Variants in C4orf50 observed in about 807,000 individuals in gnomAD.
The protein encoded by C4orf50 is uncharacterized protein C4orf50.
C4orf50 carries 80 observed loss-of-function variants against 77.2 expected under a neutral mutation model. That is an observed-to-expected ratio of 1.04 (90% confidence interval 0.87 to 1.25). The LOEUF (loss-of-function observed/expected upper bound fraction) is 1.25, where lower values mean the gene tolerates loss of function less well. C4orf50 is among the 50% of genes most tolerant of loss of function. The pLI is 0.00. For missense variants in C4orf50, 1,257 were observed against 1,152.9 expected (o/e 1.09, Z -1.31); for synonymous variants, 532 against 465.3 (o/e 1.14, Z -1.84).
At position 5,992,058 on chromosome 4, in the gene C4orf50, G is replaced by T. The variant is rs1378470428; in HGVS notation, c.1221+745C>A. Among the ~76,000 whole-genome samples, 1 of 152,158 alleles carries T rather than the reference G, an allele frequency of 6.6e-6. No homozygotes were observed. Among genetic ancestry groups the T allele is most frequent in the Admixed American group, 6.5e-5 (1 of 15,282 alleles). ...TGACCTTGAGCAAGTTCCTTAACCT[G>T]CTGGAGCCTCAGCCACCTCACCTGT... On this transcript the variant is annotated intron_variant, in intron 27 of 33. Transcript: ENST00000531445. The surrounding 1 kb of genome is among the most constrained non-coding windows in gnomAD (Gnocchi z 5.0).
intron 31 of C4orf50, among the ~76,000 whole-genome samples, chr4:5,968,486 C>T (rs778341051): frequency 6.6e-5 from 10 of 152,290 alleles, no homozygotes; most frequent in East Asian, 1.9e-4. Flanking sequence ...TGCTCCTGAA[C>T]GGTGCTCTTA....
chr4:6,010,767 G>A (rs951139428), intron 24 of C4orf50, among the ~76,000 whole-genome samples: 1 of 152,200 alleles, frequency 6.6e-6, no homozygotes, highest in Non-Finnish European at 1.5e-5. Context: ...TTTTGCCTCT[G>A]CAGCCTTTCC....
chr4:5,989,231 G>C (rs764104280), exon 28 of C4orf50: 1 of 1,535,914 alleles, frequency 6.5e-7, no homozygotes, highest in South Asian at 1.2e-5. Flanking sequence ...TGTAAAATCT[G>C]GCTTCTCTGT....
intron 7 of C4orf50, among the ~76,000 whole-genome samples, chr4:5,921,102 G>A (rs956626131): frequency 6.6e-6 from 1 of 152,224 alleles, no homozygotes; most frequent in East Asian, 1.9e-4. Context: ...GAAGAGCCAG[G>A]CAATGTCCCA....
At chr4:5,949,332 T>C (rs1164262030) in intron 7 of C4orf50, among the ~76,000 whole-genome samples, 2 of 152,238 alleles carry the variant, frequency 1.3e-5, no homozygotes, top group Non-Finnish European at 2.9e-5. Context: ...GATGTGCTTC[T>C]TCCAGACAAG....
chr4:6,014,872 G>A (rs6818385), intron 23 of C4orf50, among the ~76,000 whole-genome samples: 72,918 of 151,924 alleles, frequency 0.48, 18,020 homozygotes, highest in Non-Finnish European at 0.54. Flanking sequence ...CAGAGGACTC[G>A]AGCCCACATC....
chr4:5,989,306 C>T, exon 28 of C4orf50: 9 of 1,536,098 alleles, frequency 5.9e-6, no homozygotes, highest in Non-Finnish European at 7.8e-6. Flanking sequence ...CCCCAGGGCT[C>T]AGCAGGCCCC....
exon 28 of C4orf50, chr4:5,990,097 C>G (rs1721173903): frequency 7.7e-7 from 1 of 1,291,096 alleles, no homozygotes; most frequent in East Asian, 2.8e-5. Flanking sequence ...CCAGACGTAT[C>G]CTTCCACCCT....
rs1719107181 is a variant in C4orf50 at position 5,958,746 on chromosome 4, T to C, written c.*629A>G. ...ATTAGAAAGTTCTGGTTAGTTTTAA[T>C]GTTTTTAAATGTAAAATATATGGTG... On this transcript the variant is annotated 3_prime_UTR_variant, in exon 34 of 34. Transcript: ENST00000531445. This position sits in a 1 kb window ranked among gnomAD's most constrained non-coding sequence, Gnocchi z 5.4. 2 of 152,278 alleles carry C rather than the reference T, an allele frequency of 1.3e-5. No homozygotes were observed. Among genetic ancestry groups the C allele is most frequent in the Admixed American group, 1.3e-4 (2 of 15,290 alleles). The allele number at this position is 152,278 out of a possible 1,614,324, so 9.4% of individuals were successfully genotyped here. A position where few individuals can be genotyped will look rare whatever the true frequency, so the allele number is the denominator to read the frequency against.
In C4orf50 at chr4:5,916,375, T is replaced by A. The variant is rs971847878; in HGVS notation, c.*2475-18187A>T. Among the ~76,000 whole-genome samples the A allele has an allele frequency of 6.8e-6, 1 of 146,850 alleles. No individual in the cohort carries two copies. Among genetic ancestry groups the A allele is most frequent in the African/African-American group, 2.7e-5 (1 of 36,404 alleles). On this transcript the variant is annotated intron_variant, in intron 7 of 7. Transcript: ENST00000324058. This position sits in a 1 kb window ranked among gnomAD's most constrained non-coding sequence, Gnocchi z 4.4. ...GCTTAACCACGCCGAACAGACAGCC[T>A]TGGGTCCCTGCCCACCACAGAGAAG...
chr4:5,908,576 G>T lies in C4orf50; in HGVS notation c.*2475-10388C>A, dbSNP rs753599706. Among the ~76,000 whole-genome samples, 1 of 152,070 alleles carries T rather than the reference G, an allele frequency of 6.6e-6. No individual in the cohort carries two copies. The highest frequency in any genetic ancestry group is 2.1e-4 in the South Asian group (1 of 4,824). On this transcript the variant is annotated intron_variant, in intron 7 of 7. Coordinates refer to the C4orf50 transcript ENST00000324058. The surrounding 1 kb of genome is among the most constrained non-coding windows in gnomAD (Gnocchi z 5.6). ...GGGAGACGACCATGCGATGGGGAGG[G>T]GGGAAAGCCCTGGGGTATCAGAAAA...
rs1361882130 is a variant in C4orf50 at position 5,919,467 on chromosome 4, C to T, written c.*2475-21279G>A. 6.6e-6 allele frequency among the ~76,000 whole-genome samples: 1 copy of T among 152,206 alleles called. No individual in the cohort carries two copies. The highest frequency in any genetic ancestry group is 1.5e-5 in the Non-Finnish European group (1 of 68,024). On this transcript the variant is annotated intron_variant, in intron 7 of 7. Transcript: ENST00000324058. The surrounding 1 kb of genome is among the most constrained non-coding windows in gnomAD (Gnocchi z 6.5). Reference sequence around the variant, plus strand: ...TTTCCTAAAGGGGACTCACCTGCCTCATGCCTCAGCAGCCCCACAGAGACT... The same window carrying T: ...TTTCCTAAAGGGGACTCACCTGCCTTATGCCTCAGCAGCCCCACAGAGACT...
intron 25 of C4orf50, among the ~76,000 whole-genome samples, chr4:5,997,951 A>C (rs973928708): frequency 6.6e-6 from 1 of 152,242 alleles, no homozygotes; most frequent in African/African-American, 2.4e-5. Flanking sequence ...CTTATTGGAC[A>C]GTTGGGTTGT....
intron 7 of C4orf50, among the ~76,000 whole-genome samples, chr4:5,946,104 C>T (rs996352810): frequency 2.6e-5 from 4 of 152,242 alleles, no homozygotes; most frequent in South Asian, 2.1e-4. Flanking sequence ...GGAGCGGCAG[C>T]GCCCTCTCCC....
Position 5,990,829 on chromosome 4 carries a change from A to G in C4orf50, c.1222-5T>C, listed in dbSNP as rs4689286. The stretch of plus-strand genomic sequence containing the variant: ...GCTGGGCTCTGCCAGAGTAAGCTAC[A>G]AATGGAGAGAGAAGATGAGGTGTGA... On this transcript the variant is annotated splice_region_variant and splice_polypyrimidine_tract_variant and intron_variant, in intron 27 of 33. Coordinates refer to ENST00000531445, the Ensembl canonical transcript of C4orf50. The G allele has an allele frequency of 0.48, 192,690 of 398,910 alleles. 49,229 individuals carry two copies. Among genetic ancestry groups the G allele is most frequent in the East Asian group, 0.84 (23,440 of 28,058 alleles). 24.7% of individuals were successfully genotyped at this position (398,910 alleles called of 1,614,324 possible). A position where few individuals can be genotyped will look rare whatever the true frequency, so the allele number is the denominator to read the frequency against.
intron 31 of C4orf50, among the ~76,000 whole-genome samples, chr4:5,969,919 G>A (rs1719806159): frequency 6.6e-6 from 1 of 152,062 alleles, no homozygotes; most frequent in African/African-American, 2.4e-5. Context: ...CTGTGGAGTG[G>A]ACCCCAGGCC....
intron 25 of C4orf50, among the ~76,000 whole-genome samples, chr4:6,003,139 T>C (rs1721911171): frequency 1.3e-5 from 2 of 152,248 alleles, no homozygotes; most frequent in Admixed American, 6.5e-5. Flanking sequence ...CCACTGCAGT[T>C]CTCTGAGTCT....
intron 23 of C4orf50, among the ~76,000 whole-genome samples, chr4:6,012,445 T>C (rs1261325328): frequency 1.3e-5 from 2 of 152,172 alleles, no homozygotes; most frequent in African/African-American, 4.8e-5. Flanking sequence ...GGACTCAGCA[T>C]TGTCAGCCTC....
chr4:5,920,771 T>C (rs1327574926), intron 7 of C4orf50, among the ~76,000 whole-genome samples: 1 of 152,202 alleles, frequency 6.6e-6, no homozygotes, highest in Non-Finnish European at 1.5e-5. Context: ...CCACAGCACC[T>C]GGCCAAATAT....
Sources: gnomAD v4.1 joint callset for allele counts (sites outside exome capture counted in the v4.1 genomes callset) on GRCh38, gnomAD v4.1.1 for gene constraint, Gnocchi (gnomAD v3.1) non-coding constraint, MANE v1.5 for transcripts, NCBI Gene and HGNC (gene_info 2026-07-23, HGNC 2026-07-21) for gene names.